PLAC1: variants seen among roughly 807,000 people sequenced by gnomAD.
PLAC1 encodes placenta associated 1.
For synonymous variants in PLAC1, 68 were observed against 62.1 expected (o/e 1.09, Z -0.44); for missense variants, 136 against 163.2 (o/e 0.83, Z 0.91).
At chrX:134,581,734 C>G (rs1415638753) in intron 2 of PLAC1, among the ~76,000 whole-genome samples, 3 of 111,060 alleles carry the variant, frequency 2.7e-5, no homozygotes, top group African/African-American at 9.8e-5. Context: ...CCGCCTCGGC[C>G]TCCCAAAGTG....
chrX:134,662,608 TA>T (rs949186287), upstream of PLAC1, among the ~76,000 whole-genome samples: 43 of 111,914 alleles, frequency 3.8e-4, no homozygotes, highest in African/African-American at 1.3e-3. Context: ...TAAAGGGTTG[TA>T]AAAAAAATGA....
At chrX:134,689,285 T>C (rs1322644489) in intron 2 of PLAC1, among the ~76,000 whole-genome samples, 1 of 112,332 alleles carries the variant, frequency 8.9e-6, no homozygotes, top group Non-Finnish European at 1.9e-5. Flanking sequence ...GGCTGCCTAT[T>C]GTTTACTATA....
At chrX:134,694,579 G>A (rs1161792039) in intron 2 of PLAC1, among the ~76,000 whole-genome samples, 1 of 112,052 alleles carries the variant, frequency 8.9e-6, no homozygotes, top group African/African-American at 3.2e-5. Context: ...CATACCTCAC[G>A]TATTTCTAGA....
chrX:134,619,871 A>G (rs957418355), intron 1 of PLAC1, among the ~76,000 whole-genome samples: 3 of 111,874 alleles, frequency 2.7e-5, no homozygotes, highest in Non-Finnish European at 5.6e-5. Flanking sequence ...ATGCAATTAG[A>G]AATGATGATG....
chrX:134,594,613 G>A (rs926743415), intron 2 of PLAC1, among the ~76,000 whole-genome samples: 3 of 111,031 alleles, frequency 2.7e-5, no homozygotes, highest in African/African-American at 9.8e-5. Context: ...AATTGTGGTA[G>A]TTTGTGTTTT....
chrX:134,580,817 T>C (rs2077970330), intron 2 of PLAC1, among the ~76,000 whole-genome samples: 1 of 111,829 alleles, frequency 8.9e-6, no homozygotes, highest in East Asian at 2.8e-4. Context: ...ATTCCGTGGG[T>C]TGCATGCATA....
chrX:134,700,479 A>G (rs1429351705), intron 2 of PLAC1, among the ~76,000 whole-genome samples: 1 of 111,857 alleles, frequency 8.9e-6, no homozygotes, highest in Non-Finnish European at 1.9e-5. Flanking sequence ...AATGGCATCC[A>G]AATAGGAAAA....
intron 1 of PLAC1, among the ~76,000 whole-genome samples, chrX:134,633,414 G>C (rs2078270727): frequency 8.9e-6 from 1 of 111,830 alleles, no homozygotes; most frequent in Admixed American, 9.5e-5. Context: ...CAGTTTCAAG[G>C]GTTCCAGTAG....
intron 2 of PLAC1, among the ~76,000 whole-genome samples, chrX:134,683,204 G>A (rs923332813): frequency 3.6e-5 from 4 of 110,051 alleles, no homozygotes; most frequent in African/African-American, 1.3e-4. Flanking sequence ...GCAATTGATT[G>A]ATTTGGGGTG....
chrX:134,594,318 T>G (rs747280847), intron 2 of PLAC1, among the ~76,000 whole-genome samples: 37 of 111,778 alleles, frequency 3.3e-4, no homozygotes, highest in African/African-American at 1.2e-3. Flanking sequence ...TGTTATTAAT[T>G]TTTGCATTTA....
At chrX:134,585,218 C>T (rs923807533) in intron 2 of PLAC1, among the ~76,000 whole-genome samples, 1 of 103,613 alleles carries the variant, frequency 9.7e-6, no homozygotes, top group African/African-American at 3.5e-5. Flanking sequence ...TGGTGGCACG[C>T]GCCTGTAGCC....
intron 2 of PLAC1, among the ~76,000 whole-genome samples, chrX:134,573,875 G>A (rs2077922639): frequency 9.0e-6 from 1 of 111,319 alleles, no homozygotes; most frequent in African/African-American, 3.3e-5. Flanking sequence ...ATAACATCCT[G>A]ACTGAGGCCA....
intron 2 of PLAC1, among the ~76,000 whole-genome samples, chrX:134,592,634 C>A (rs1183847278): frequency 1.8e-5 from 2 of 110,185 alleles, no homozygotes; most frequent in African/African-American, 6.6e-5. Flanking sequence ...GCCTGCCCTG[C>A]AAATTTTGGA....
chrX:134,599,770 A>T (rs2078079952), intron 2 of PLAC1, among the ~76,000 whole-genome samples: 1 of 111,372 alleles, frequency 9.0e-6, no homozygotes, highest in Non-Finnish European at 1.9e-5. Context: ...TTCATGTTTG[A>T]ATCAGAAAAG....
upstream of PLAC1, among the ~76,000 whole-genome samples, chrX:134,659,465 G>A (rs1168822633): frequency 1.8e-5 from 2 of 111,322 alleles, no homozygotes; most frequent in African/African-American, 6.5e-5. Context: ...GAATGGCAGG[G>A]TGGGAACGGG....
chrX:134,581,882 CTG>C (rs1354166204), intron 2 of PLAC1, among the ~76,000 whole-genome samples: 2 of 111,544 alleles, frequency 1.8e-5, no homozygotes, highest in East Asian at 5.6e-4. Flanking sequence ...GAAATCAAGA[CTG>C]GGGTATTAAA....
At chrX:134,761,813 C>T (rs1049686223) in intron 1 of PLAC1, among the ~76,000 whole-genome samples, 8 of 112,010 alleles carry the variant, frequency 7.1e-5, no homozygotes, top group Admixed American at 1.9e-4. Context: ...CATACAGAAG[C>T]GGACAAATTT....
chrX:134,756,223 T>C (rs2078756882), intron 1 of PLAC1, among the ~76,000 whole-genome samples: 1 of 111,100 alleles, frequency 9.0e-6, no homozygotes, highest in African/African-American at 3.3e-5. Context: ...TTGATTTTTA[T>C]GTACTTGAAA....
intron 2 of PLAC1, among the ~76,000 whole-genome samples, chrX:134,585,225 A>G (rs2077994361): frequency 9.7e-6 from 1 of 102,603 alleles, no homozygotes; most frequent in Non-Finnish European, 2.0e-5. Flanking sequence ...ACGCGCCTGT[A>G]GCCCCAGCTA....
Sources: gnomAD v4.1 joint callset for allele counts (sites outside exome capture counted in the v4.1 genomes callset) on GRCh38, gnomAD v4.1.1 for gene constraint, MANE v1.5 for transcripts, NCBI Gene and HGNC (gene_info 2026-07-23, HGNC 2026-07-21) for gene names.